ASIC2: variants seen among roughly 807,000 people sequenced by gnomAD.
ASIC2 encodes the protein acid sensing ion channel subunit 2.
In ASIC2, 25 loss-of-function variants were observed where a neutral mutation model predicts 57.3. The ratio of observed to expected loss-of-function variants is 0.44; its 90% CI spans 0.32 to 0.61. ASIC2 has a LOEUF of 0.61. Among genes scored for constraint, ASIC2 ranks in the 20% least tolerant of loss-of-function variants. The pLI, the probability that ASIC2 is intolerant of heterozygous loss-of-function variation, is 0.06. For synonymous variants in ASIC2, 319 were observed against 307.5 expected (o/e 1.04, Z -0.39); for missense variants, 641 against 738.1 (o/e 0.87, Z 1.52).
chr17:33,345,477 A>C (rs754437695), intron 1 of ASIC2, among the ~76,000 whole-genome samples: 15 of 152,184 alleles, frequency 9.9e-5, no homozygotes, highest in Non-Finnish European at 2.1e-4. Flanking sequence ...CTTAAGAAAA[A>C]AAAGACAATA....
At chr17:33,791,403 A>G (rs1282869209) in intron 1 of ASIC2, among the ~76,000 whole-genome samples, 1 of 152,212 alleles carries the variant, frequency 6.6e-6, no homozygotes, top group Non-Finnish European at 1.5e-5. Flanking sequence ...CACATGGTAT[A>G]GATTCCTTTT....
chr17:33,086,016 C>T (rs965903082), intron 3 of ASIC2, among the ~76,000 whole-genome samples: 6 of 152,074 alleles, frequency 3.9e-5, no homozygotes, highest in Non-Finnish European at 8.8e-5. Context: ...ATTTGCCCTC[C>T]GAAGCTGGGA....
intron 1 of ASIC2, among the ~76,000 whole-genome samples, chr17:33,348,032 G>C (rs910437491): frequency 6.6e-6 from 1 of 152,210 alleles, no homozygotes; most frequent in Admixed American, 6.5e-5. Context: ...AACCCAGGAA[G>C]TAGAGGTTGC....
At chr17:33,521,779 T>A (rs1914749253) in intron 1 of ASIC2, among the ~76,000 whole-genome samples, 1 of 152,124 alleles carries the variant, frequency 6.6e-6, no homozygotes, top group Admixed American at 6.5e-5. Context: ...TCATCTACCC[T>A]CAAAGGCCAT....
At chr17:33,057,767 C>T (rs1436518658) in intron 3 of ASIC2, among the ~76,000 whole-genome samples, 2 of 152,208 alleles carry the variant, frequency 1.3e-5, no homozygotes, top group Admixed American at 6.5e-5. Context: ...TGGGGAGGAG[C>T]TATGGCTGAG....
chr17:33,708,023 T>G (rs1007683948), intron 1 of ASIC2, among the ~76,000 whole-genome samples: 1 of 152,162 alleles, frequency 6.6e-6, no homozygotes, highest in African/African-American at 2.4e-5. Context: ...TATTCTTGAG[T>G]TATAAGTTCC....
At chr17:33,414,050 G>A (rs1000492435) in intron 1 of ASIC2, among the ~76,000 whole-genome samples, 1 of 152,188 alleles carries the variant, frequency 6.6e-6, no homozygotes, top group African/African-American at 2.4e-5. Context: ...GCAGTAGCCC[G>A]AGAGTAGGTC....
At chr17:34,043,458 G>A (rs2142047675) in intron 1 of ASIC2, among the ~76,000 whole-genome samples, 1 of 152,322 alleles carries the variant, frequency 6.6e-6, no homozygotes, top group South Asian at 2.1e-4. Context: ...AGGAGTAGAT[G>A]CCTAGGCACT....
intron 1 of ASIC2, among the ~76,000 whole-genome samples, chr17:33,984,669 A>G (rs1905752483): frequency 6.6e-6 from 1 of 152,218 alleles, no homozygotes; most frequent in Non-Finnish European, 1.5e-5. Context: ...TGCATGAGTC[A>G]GATCTTGTCA....
intron 3 of ASIC2, among the ~76,000 whole-genome samples, chr17:33,084,656 C>G (rs1391184176): frequency 6.6e-6 from 1 of 152,194 alleles, no homozygotes; most frequent in Non-Finnish European, 1.5e-5. Context: ...TCAAGTGTCC[C>G]TACAGCATAA....
At chr17:33,469,409 G>T (rs1912968540) in intron 1 of ASIC2, among the ~76,000 whole-genome samples, 1 of 152,192 alleles carries the variant, frequency 6.6e-6, no homozygotes, top group South Asian at 2.1e-4. Flanking sequence ...AGGTTCCACA[G>T]CACACAAGCA....
chr17:33,354,158 C>T (rs1332824969), intron 1 of ASIC2, among the ~76,000 whole-genome samples: 3 of 152,146 alleles, frequency 2.0e-5, no homozygotes, highest in African/African-American at 7.2e-5. Context: ...ATTCAATTAC[C>T]TCCCACTGAG....
At chr17:33,170,096 G>T (rs1905453803) in intron 1 of ASIC2, among the ~76,000 whole-genome samples, 1 of 152,164 alleles carries the variant, frequency 6.6e-6, no homozygotes, top group Non-Finnish European at 1.5e-5. Flanking sequence ...TCATTATGTG[G>T]GAATGTGGGA....
intron 6 of ASIC2, 41 bp from the exon 7 acceptor site, chr17:33,021,351 T>A: frequency 6.7e-7 from 1 of 1,485,872 alleles, no homozygotes; most frequent in Non-Finnish European, 9.3e-7. Context: ...GTTAGAGCTA[T>A]CAGCATTCAC....
chr17:33,366,542 G>A (rs1733335471), intron 1 of ASIC2, among the ~76,000 whole-genome samples: 1 of 152,138 alleles, frequency 6.6e-6, no homozygotes, highest in South Asian at 2.1e-4. Flanking sequence ...AGCCTTCTTT[G>A]ACATCTTCTC....
At chr17:33,356,814 G>A (rs1160441051) in intron 1 of ASIC2, among the ~76,000 whole-genome samples, 3 of 152,050 alleles carry the variant, frequency 2.0e-5, no homozygotes, top group African/African-American at 2.4e-5. Flanking sequence ...CGGGCTTGAT[G>A]CAGCTTAGGG....
Position 34,156,608 on chromosome 17 carries a change from G to T in ASIC2, c.-76C>A. ...GAAGAGCTCCCAGTCCTCGGGCTCT[G>T]CTTAAACCTTGACGTTCAGGGGAGA... On this transcript the variant is annotated 5_prime_UTR_variant, in exon 1 of 10. Coordinates refer to the ASIC2 transcript ENST00000359872. The surrounding 1 kb of genome is among the most constrained non-coding windows in gnomAD (Gnocchi z 4.4). 1.4e-6 allele frequency: 2 copies of T among 1,446,122 alleles called. No individual in the cohort carries two copies. The highest frequency in any genetic ancestry group is 1.9e-6 in the Non-Finnish European group (2 of 1,079,526). 89.6% of individuals were successfully genotyped at this position (1,446,122 alleles called of 1,614,324 possible).
At chr17:34,038,656 C>G in intron 1 of ASIC2, 3 of 1,588,552 alleles carry the variant, frequency 1.9e-6, no homozygotes, top group Non-Finnish European at 2.6e-6. Flanking sequence ...TTTCTAGCCT[C>G]TCCAGCTCTG....
chr17:33,931,896 A>T (rs565686501), intron 1 of ASIC2, among the ~76,000 whole-genome samples: 1 of 152,222 alleles, frequency 6.6e-6, no homozygotes, highest in Non-Finnish European at 1.5e-5. Flanking sequence ...TTAAGAAAGT[A>T]ATGTTGGCGC....
Sources: gnomAD v4.1 joint callset for allele counts (sites outside exome capture counted in the v4.1 genomes callset) on GRCh38, gnomAD v4.1.1 for gene constraint, Gnocchi (gnomAD v3.1) non-coding constraint, MANE v1.5 for transcripts, NCBI Gene and HGNC (gene_info 2026-07-23, HGNC 2026-07-21) for gene names.